SYT16: variants seen among roughly 807,000 people sequenced by gnomAD.
The protein encoded by SYT16 is synaptotagmin-16.
Under a neutral mutation model 61.4 loss-of-function variants are expected in SYT16, and 42 were observed. The observed-to-expected ratio is 0.68, with a 90% CI of 0.53 to 0.89. The LOEUF (loss-of-function observed/expected upper bound fraction) is 0.89, where lower values mean the gene tolerates loss of function less well. Among genes scored for constraint, SYT16 ranks in the 40% least tolerant of loss-of-function variants. SYT16 has a pLI of 0.00. For synonymous variants in SYT16, 314 were observed against 302.3 expected, an observed-to-expected ratio of 1.04 and a Z score of -0.40; for missense variants, 804 against 807.3, an observed-to-expected ratio of 1.00 and a Z score of 0.05.
intron 1 of SYT16, among the ~76,000 whole-genome samples, chr14:61,954,655 C>T (rs1412692438): frequency 6.6e-6 from 1 of 152,044 alleles, no homozygotes; most frequent in African/African-American, 2.4e-5. Flanking sequence ...TACTGCTTTT[C>T]TTCACTATAG....
chr14:61,843,741 C>G (rs1359987457), intron 1 of SYT16, among the ~76,000 whole-genome samples: 2 of 152,218 alleles, frequency 1.3e-5, no homozygotes, highest in African/African-American at 2.4e-5. Flanking sequence ...TCTGGGTTCT[C>G]TATTCTGTTC....
chr14:62,082,557 G>A (rs2056746116), intron 6 of SYT16, among the ~76,000 whole-genome samples: 2 of 152,138 alleles, frequency 1.3e-5, no homozygotes, highest in Admixed American at 6.5e-5. Context: ...TTCCACTTCT[G>A]CCTTTGCCTC....
chr14:62,095,307 AAAAT>A (rs954755853), intron 7 of SYT16, among the ~76,000 whole-genome samples: 1 of 152,030 alleles, frequency 6.6e-6, no homozygotes, highest in South Asian at 2.1e-4. Context: ...TATAATAAGA[AAAAT>A]AAATAAACAT....
chr14:62,032,645 A>G (rs746440911), intron 3 of SYT16, among the ~76,000 whole-genome samples: 4 of 151,438 alleles, frequency 2.6e-5, no homozygotes, highest in Non-Finnish European at 2.9e-5. Flanking sequence ...TGCAAGCAAA[A>G]CTCTCATCCG....
intron 3 of SYT16, among the ~76,000 whole-genome samples, chr14:62,059,153 T>A (rs2055701238): frequency 6.6e-6 from 1 of 152,020 alleles, no homozygotes; most frequent in Non-Finnish European, 1.5e-5. Context: ...TAAAATAATC[T>A]GTACAAAAAA....
intron 1 of SYT16, among the ~76,000 whole-genome samples, chr14:61,944,271 A>G (rs993398215): frequency 6.6e-6 from 1 of 152,208 alleles, no homozygotes; most frequent in African/African-American, 2.4e-5. Context: ...ATGTTAATGG[A>G]TAGGAAGAAT....
rs375570366 is a variant in SYT16 at position 62,026,586 on chromosome 14, G to A, written c.523+30044G>A. On this transcript the variant is annotated intron_variant, in intron 3 of 7. Transcript: ENST00000683842. Reference sequence around the variant, plus strand: ...CCCCACCTCTTAATACTACCACTTTGGCAACACCTGGATTTTGAAGGAGAC... The same window carrying A: ...CCCCACCTCTTAATACTACCACTTTAGCAACACCTGGATTTTGAAGGAGAC... Among the ~76,000 whole-genome samples the A allele has an allele frequency of 4.9e-4, 74 of 152,198 alleles. 1 individual carries two copies. The East Asian group carries it at 8.9e-3, about 18-fold the overall frequency.
chr14:61,972,522 C>G (rs1202317125), intron 2 of SYT16, among the ~76,000 whole-genome samples: 4 of 152,168 alleles, frequency 2.6e-5, no homozygotes, highest in Admixed American at 6.5e-5. Context: ...ATAGTTTCTT[C>G]AGGAGCATCC....
chr14:61,910,459 G>C (rs575091488), intron 1 of SYT16, among the ~76,000 whole-genome samples: 7 of 151,206 alleles, frequency 4.6e-5, no homozygotes, highest in Non-Finnish European at 7.4e-5. Flanking sequence ...GGCTGGTCTC[G>C]AACTCCTGAC....
chr14:61,895,253 T>C (rs1262444720), intron 1 of SYT16, among the ~76,000 whole-genome samples: 1 of 151,278 alleles, frequency 6.6e-6, no homozygotes, highest in East Asian at 1.9e-4. Flanking sequence ...TTTAGTTAAA[T>C]TTTTTTTAAA....
intron 1 of SYT16, among the ~76,000 whole-genome samples, chr14:61,911,855 G>T (rs2048947748): frequency 6.6e-6 from 1 of 152,176 alleles, no homozygotes; most frequent in Non-Finnish European, 1.5e-5. Context: ...GTGAAAGGAT[G>T]TTTGATCTTT....
intron 1 of SYT16, among the ~76,000 whole-genome samples, chr14:61,891,418 A>G (rs941420155): frequency 1.3e-5 from 2 of 152,204 alleles, no homozygotes; most frequent in African/African-American, 4.8e-5. Flanking sequence ...GAGATTCAGA[A>G]CAATGCATTT....
intron 3 of SYT16, among the ~76,000 whole-genome samples, chr14:62,038,877 G>A (rs1006880002): frequency 6.6e-6 from 1 of 152,184 alleles, no homozygotes; most frequent in Non-Finnish European, 1.5e-5. Context: ...TATGTAACAT[G>A]AGGAGCACAT....
chr14:61,853,452 G>A (rs969927002), intron 1 of SYT16, among the ~76,000 whole-genome samples: 1 of 152,216 alleles, frequency 6.6e-6, no homozygotes, highest in Non-Finnish European at 1.5e-5. Flanking sequence ...GCATTAGGAA[G>A]AGGTGATAAG....
intron 1 of SYT16, among the ~76,000 whole-genome samples, chr14:61,852,187 T>C (rs2046638055): frequency 6.6e-6 from 1 of 150,382 alleles, no homozygotes; most frequent in South Asian, 2.1e-4. Context: ...CCTTTCCCCA[T>C]TGCTTTTTTT....
At chr14:61,903,733 G>A (rs535559757) in intron 1 of SYT16, among the ~76,000 whole-genome samples, 4 of 152,202 alleles carry the variant, frequency 2.6e-5, no homozygotes, top group Non-Finnish European at 4.4e-5. Flanking sequence ...GGTAGTTCTG[G>A]CAACATATTA....
intron 3 of SYT16, among the ~76,000 whole-genome samples, chr14:61,998,152 C>T (rs1401877588): frequency 6.6e-6 from 1 of 151,990 alleles, no homozygotes; most frequent in Non-Finnish European, 1.5e-5. Context: ...AAGCAGAGCT[C>T]AGGCAGTCTC....
intron 1 of SYT16, among the ~76,000 whole-genome samples, chr14:61,909,441 T>TA (rs1043448611): frequency 6.6e-6 from 1 of 152,170 alleles, no homozygotes. Context: ...TGCCTCCCCT[T>TA]ATGGCTCCAG....
At chr14:62,064,314 A>G (rs1006021469) in intron 3 of SYT16, among the ~76,000 whole-genome samples, 7 of 149,366 alleles carry the variant, frequency 4.7e-5, no homozygotes, top group Admixed American at 1.3e-4. Context: ...GCAAATAGAC[A>G]AGAGCCAAAC....
Sources: gnomAD v4.1 joint callset for allele counts (sites outside exome capture counted in the v4.1 genomes callset) on GRCh38, gnomAD v4.1.1 for gene constraint, MANE v1.5 for transcripts, NCBI Gene and HGNC (gene_info 2026-07-23, HGNC 2026-07-21) for gene names.